The following LMO1 variants were observed in gnomAD, a reference collection of about 807,000 sequenced individuals.
The protein encoded by LMO1 is LIM domain only 1, also known as rhombotin-1.
LMO1 carries 10 observed loss-of-function variants against 18.0 expected under a neutral mutation model. The observed-to-expected ratio is 0.55, with a 90% CI of 0.34 to 0.94. The LOEUF is 0.94. Among genes scored for constraint, LMO1 ranks in the 40% least tolerant of loss-of-function variants. The pLI, the probability that LMO1 is intolerant of heterozygous loss-of-function variation, is 0.02. For synonymous variants in LMO1, 77 were observed against 77.9 expected, an observed-to-expected ratio of 0.99 and a Z score of 0.06; for missense variants, 183 against 205.7, an observed-to-expected ratio of 0.89 and a Z score of 0.68.
chr11:8,253,208 G>A (rs934106430), intron 1 of LMO1, among the ~76,000 whole-genome samples: 10 of 152,166 alleles, frequency 6.6e-5, no homozygotes, highest in Admixed American at 3.3e-4. Context: ...AGCCACAGCC[G>A]TGGATCCTTT....
At chr11:8,252,701 G>A (rs1598165) in intron 1 of LMO1, among the ~76,000 whole-genome samples, 26,483 of 152,226 alleles carry the variant, frequency 0.17, 2,958 homozygotes, top group Non-Finnish European at 0.25. Flanking sequence ...CCAGCAGCCC[G>A]TGAGGAACCG....
chr11:8,230,273 C>T lies in LMO1; in HGVS notation c.239+18G>A, dbSNP rs112708451. ...TGAGCAGGACAAGGGCTTGGGAGGCCAGGGTTTGGCAGCCCACCTCAGGTA... is the reference window on the plus strand; with the variant it reads ...TGAGCAGGACAAGGGCTTGGGAGGCTAGGGTTTGGCAGCCCACCTCAGGTA... On this transcript the variant is annotated intron_variant, in intron 2 of 3. Coordinates refer to ENST00000335790, the MANE Select transcript of LMO1 (RefSeq NM_002315.3). 3.7e-3 allele frequency: 5,917 copies of T among 1,611,700 alleles called. 129 individuals are homozygous for T. The African/African-American group carries it at 0.057, about 16-fold the overall frequency.
chr11:8,225,964 C>G (rs980150198), intron 3 of LMO1, among the ~76,000 whole-genome samples: 37 of 152,314 alleles, frequency 2.4e-4, no homozygotes, highest in African/African-American at 7.9e-4. Flanking sequence ...CCTTAGGTCC[C>G]CAGGGACTCC....
At chr11:8,228,515 G>A (rs991897466) in intron 2 of LMO1, among the ~76,000 whole-genome samples, 2 of 152,180 alleles carry the variant, frequency 1.3e-5, no homozygotes, top group Admixed American at 6.5e-5. Context: ...TCTTGCCATC[G>A]GCCCAGGAAC....
At chr11:8,251,323 G>T (rs1298294108) in intron 1 of LMO1, among the ~76,000 whole-genome samples, 1 of 152,180 alleles carries the variant, frequency 6.6e-6, no homozygotes, top group Non-Finnish European at 1.5e-5. Context: ...TCACCAGCCT[G>T]TTTATGGGAG....
chr11:8,263,857 C>T lies in LMO1; in HGVS notation c.-495G>A. 1 of 1,044,406 alleles carries T rather than the reference C, an allele frequency of 9.6e-7. No individual in the cohort carries two copies. Among genetic ancestry groups the T allele is most frequent in the Non-Finnish European group, 1.2e-6 (1 of 867,738 alleles). The allele number at this position is 1,044,406 out of a possible 1,614,324, so 64.7% of individuals were successfully genotyped here. A position where few individuals can be genotyped will look rare whatever the true frequency, so the allele number is the denominator to read the frequency against. On this transcript the variant is annotated 5_prime_UTR_variant, in exon 1 of 4. Transcript: ENST00000335790. ...GGGGGAATCTCGTGGCCGTCTCCCG[C>T]TGCCTTTCTCCCTCAATGTATGAGG...
At chr11:8,266,834 C>T (rs1227299378), upstream of LMO1, among the ~76,000 whole-genome samples, 1 of 152,208 alleles carries the variant, frequency 6.6e-6, no homozygotes, top group Non-Finnish European at 1.5e-5. Context: ...ATGCAGCTGC[C>T]TCCAAGACGG....
chr11:8,245,947 A>C (rs536118508), intron 1 of LMO1, among the ~76,000 whole-genome samples: 2 of 152,264 alleles, frequency 1.3e-5, no homozygotes, highest in African/African-American at 4.8e-5. Flanking sequence ...TCACATGGTG[A>C]GACTGGGAGC....
At chr11:8,251,788 G>A (rs1026685551) in intron 1 of LMO1, among the ~76,000 whole-genome samples, 2 of 151,048 alleles carry the variant, frequency 1.3e-5, no homozygotes, top group African/African-American at 4.9e-5. Context: ...GGGGTGGAGG[G>A]GTGTGGAGTG....
intron 1 of LMO1, among the ~76,000 whole-genome samples, chr11:8,247,239 A>T (rs1265950052): frequency 6.6e-6 from 1 of 152,216 alleles, no homozygotes; most frequent in African/African-American, 2.4e-5. Flanking sequence ...ATAATGCTAC[A>T]TGCATAATGA....
chr11:8,231,236 C>T (rs948666247), intron 1 of LMO1, among the ~76,000 whole-genome samples: 15 of 152,356 alleles, frequency 9.8e-5, no homozygotes, highest in African/African-American at 2.9e-4. Context: ...TCTCAGCCAT[C>T]AGTCCCTCCC....
At chr11:8,254,313 C>T (rs923426430) in intron 1 of LMO1, among the ~76,000 whole-genome samples, 5 of 152,152 alleles carry the variant, frequency 3.3e-5, no homozygotes, top group Admixed American at 6.5e-5. Flanking sequence ...AAAATCACAG[C>T]CTGAAGCCTG....
intron 1 of LMO1, among the ~76,000 whole-genome samples, chr11:8,259,993 C>T (rs1847159086): frequency 6.6e-6 from 1 of 152,184 alleles, no homozygotes; most frequent in South Asian, 2.1e-4. Flanking sequence ...GTCACCCCCA[C>T]CTTCCTGCTG....
upstream of LMO1, among the ~76,000 whole-genome samples, chr11:8,265,646 G>A (rs774694745): frequency 3.9e-5 from 6 of 152,138 alleles, no homozygotes; most frequent in Non-Finnish European, 7.4e-5. Flanking sequence ...TGCCACTGCC[G>A]CCAGACCCAT....
At chr11:8,259,773 T>A (rs898755044) in intron 1 of LMO1, among the ~76,000 whole-genome samples, 55 of 152,316 alleles carry the variant, frequency 3.6e-4, no homozygotes, top group Admixed American at 3.3e-3. Flanking sequence ...CAAGGGCTGG[T>A]TGGTACCCAA....
At chr11:8,238,532 G>A (rs571767065) in intron 1 of LMO1, among the ~76,000 whole-genome samples, 8 of 152,156 alleles carry the variant, frequency 5.3e-5, no homozygotes, top group East Asian at 3.9e-4. Context: ...TTAGCCAGCC[G>A]TGGTGGCGGG....
At chr11:8,239,547 C>T (rs1247167328) in intron 1 of LMO1, among the ~76,000 whole-genome samples, 2 of 152,024 alleles carry the variant, frequency 1.3e-5, no homozygotes, top group Non-Finnish European at 2.9e-5. Context: ...GGCACACGTC[C>T]TCAGGAGGAG....
At chr11:8,226,294 A>G (rs1451055888) in intron 3 of LMO1, among the ~76,000 whole-genome samples, 1 of 152,150 alleles carries the variant, frequency 6.6e-6, no homozygotes, top group Admixed American at 6.5e-5. Flanking sequence ...CAGGAGTTCA[A>G]GACCAGCCTG....
intron 1 of LMO1, among the ~76,000 whole-genome samples, chr11:8,246,498 C>T (rs1846896450): frequency 6.6e-6 from 1 of 152,082 alleles, no homozygotes; most frequent in South Asian, 2.1e-4. Context: ...CAAAGCTATA[C>T]AGACAGAAAG....
Sources: gnomAD v4.1 joint callset for allele counts (sites outside exome capture counted in the v4.1 genomes callset) on GRCh38, gnomAD v4.1.1 for gene constraint, MANE v1.5 for transcripts, NCBI Gene and HGNC (gene_info 2026-07-23, HGNC 2026-07-21) for gene names.